PLXNA4: variants seen among roughly 807,000 people sequenced by gnomAD.
PLXNA4 encodes the protein plexin A4.
Under a neutral mutation model 191.8 loss-of-function variants are expected in PLXNA4, and 44 were observed. The observed-to-expected ratio is 0.23, with a 90% CI of 0.18 to 0.29. PLXNA4 has a LOEUF of 0.29. Among genes scored for constraint, PLXNA4 ranks in the 10% least tolerant of loss-of-function variants. The probability of loss-of-function intolerance (pLI) is 1.00; values close to 1 mark genes in which losing one functional copy is unlikely to be tolerated. For missense variants in PLXNA4, 1,800 were observed against 2,488.8 expected (o/e 0.72, Z 5.89); for synonymous variants, 1,082 against 1,009.5 (o/e 1.07, Z -1.36).
At chr7:132,347,981 G>C (rs572292206) in intron 3 of PLXNA4, among the ~76,000 whole-genome samples, 1 of 152,164 alleles carries the variant, frequency 6.6e-6, no homozygotes, top group Admixed American at 6.6e-5. Flanking sequence ...ACAGCTGTGG[G>C]AGAAAGGATG....
intron 2 of PLXNA4, among the ~76,000 whole-genome samples, chr7:132,596,570 TA>T (rs1385301457): frequency 2.0e-5 from 3 of 152,252 alleles, no homozygotes; most frequent in African/African-American, 7.2e-5. Flanking sequence ...TCTTTTTAAT[TA>T]ATGGCTTTTA....
chr7:132,505,519 C>A (rs1269305723), intron 2 of PLXNA4, among the ~76,000 whole-genome samples: 1 of 152,186 alleles, frequency 6.6e-6, no homozygotes, highest in Non-Finnish European at 1.5e-5. Context: ...TTGCCGTCTT[C>A]TAACATAGGC....
chr7:132,399,034 G>A (rs1793873323), intron 3 of PLXNA4, among the ~76,000 whole-genome samples: 1 of 152,164 alleles, frequency 6.6e-6, no homozygotes, highest in South Asian at 2.1e-4. Flanking sequence ...CTGGATAAGG[G>A]TTTTAGAATC....
chr7:132,482,285 C>T (rs894475680), intron 3 of PLXNA4, among the ~76,000 whole-genome samples: 3 of 152,204 alleles, frequency 2.0e-5, no homozygotes, highest in Non-Finnish European at 2.9e-5. Context: ...GCACCTTGCT[C>T]AGCCTCTTTC....
chr7:132,584,592 T>A (rs1041551584), intron 2 of PLXNA4, among the ~76,000 whole-genome samples: 1 of 152,228 alleles, frequency 6.6e-6, no homozygotes, highest in Non-Finnish European at 1.5e-5. Flanking sequence ...TATGCTGCTC[T>A]GAAAAACAAC....
At chr7:132,290,125 AG>A (rs1410231205) in intron 4 of PLXNA4, among the ~76,000 whole-genome samples, 1 of 152,226 alleles carries the variant, frequency 6.6e-6, no homozygotes. Context: ...AGGCTGCAGG[AG>A]TCCCCCAGCA....
At chr7:132,465,518 C>G (rs780824096) in intron 3 of PLXNA4, among the ~76,000 whole-genome samples, 40 of 152,290 alleles carry the variant, frequency 2.6e-4, no homozygotes, top group Non-Finnish European at 4.6e-4. Flanking sequence ...CCTAAGGACC[C>G]ATCCAAATAA....
At chr7:132,587,490 T>C (rs1312020543) in intron 2 of PLXNA4, among the ~76,000 whole-genome samples, 1 of 152,256 alleles carries the variant, frequency 6.6e-6, no homozygotes, top group Non-Finnish European at 1.5e-5. Context: ...AAGTGAAGAC[T>C]AGAGTTTGGA....
intron 2 of PLXNA4, among the ~76,000 whole-genome samples, chr7:132,602,440 G>A (rs886514640): frequency 6.6e-6 from 1 of 152,112 alleles, no homozygotes; most frequent in Non-Finnish European, 1.5e-5. Flanking sequence ...GCTCCTTTAT[G>A]GCCCCGTGGT....
chr7:132,260,515 A>G (rs758116992), intron 4 of PLXNA4, among the ~76,000 whole-genome samples: 1 of 152,090 alleles, frequency 6.6e-6, no homozygotes, highest in Non-Finnish European at 1.5e-5. Context: ...GGAGTACTAG[A>G]GTGGGGAGGA....
At chr7:132,582,701 C>A (rs1238924780) in intron 2 of PLXNA4, among the ~76,000 whole-genome samples, 1 of 152,174 alleles carries the variant, frequency 6.6e-6, no homozygotes, top group Admixed American at 6.5e-5. Context: ...CAACTGAGGT[C>A]CCAGACATCA....
At chr7:132,586,366 T>G (rs1425291223) in intron 2 of PLXNA4, among the ~76,000 whole-genome samples, 2 of 152,244 alleles carry the variant, frequency 1.3e-5, no homozygotes, top group East Asian at 1.9e-4. Flanking sequence ...TTGGGCATTT[T>G]GGGTGTTGAC....
At chr7:132,635,566 A>G (rs1304117540) in intron 2 of PLXNA4, among the ~76,000 whole-genome samples, 1 of 152,140 alleles carries the variant, frequency 6.6e-6, no homozygotes, top group African/African-American at 2.4e-5. Context: ...TGACATTGCT[A>G]AGAGGTTTCC....
At chr7:132,476,629 C>G (rs548561075) in intron 3 of PLXNA4, among the ~76,000 whole-genome samples, 2 of 152,260 alleles carry the variant, frequency 1.3e-5, no homozygotes, top group South Asian at 2.1e-4. Flanking sequence ...TGGGCAATAT[C>G]CTGCCTGTGT....
chr7:132,206,370 G>T (rs1797616216), intron 10 of PLXNA4, among the ~76,000 whole-genome samples: 1 of 152,076 alleles, frequency 6.6e-6, no homozygotes, highest in Non-Finnish European at 1.5e-5. Context: ...GCCATGCATT[G>T]AGTGTTTCTG....
chr7:132,257,886 C>G (rs764354829), intron 4 of PLXNA4, among the ~76,000 whole-genome samples: 10 of 152,238 alleles, frequency 6.6e-5, no homozygotes, highest in African/African-American at 2.4e-5. Flanking sequence ...GGGTCCCTCT[C>G]AGCTTTCTGT....
intron 4 of PLXNA4, among the ~76,000 whole-genome samples, chr7:132,251,443 C>T (rs1039246593): frequency 2.0e-5 from 3 of 152,148 alleles, no homozygotes; most frequent in Non-Finnish European, 4.4e-5. Context: ...TGACACCTAA[C>T]TCCTGGCCCA....
At chr7:132,312,090 C>T (rs1164537521) in intron 3 of PLXNA4, among the ~76,000 whole-genome samples, 2 of 151,862 alleles carry the variant, frequency 1.3e-5, no homozygotes, top group Non-Finnish European at 2.9e-5. Flanking sequence ...CTCCTCCAAT[C>T]AGACGGGTGA....
intron 9 of PLXNA4, among the ~76,000 whole-genome samples, chr7:132,219,716 C>G (rs951201896): frequency 2.0e-5 from 3 of 152,044 alleles, no homozygotes; most frequent in African/African-American, 7.3e-5. Flanking sequence ...CAGTAATGTT[C>G]CACAGAGGGA....
Sources: gnomAD v4.1 joint callset for allele counts (sites outside exome capture counted in the v4.1 genomes callset) on GRCh38, gnomAD v4.1.1 for gene constraint, MANE v1.5 for transcripts, NCBI Gene and HGNC (gene_info 2026-07-23, HGNC 2026-07-21) for gene names.